PHAF1: variants seen among roughly 807,000 people sequenced by gnomAD.
PHAF1 encodes the protein phagosome assembly factor 1.
In PHAF1, 23 loss-of-function variants were observed where a neutral mutation model predicts 63.1. The observed-to-expected ratio is 0.36, with a 90% CI of 0.26 to 0.52. The LOEUF is 0.52. Ranked by LOEUF, PHAF1 falls within the 20% of genes least tolerant of loss-of-function variation. PHAF1 has a pLI of 0.93. For missense variants in PHAF1, 427 were observed against 517.2 expected, an observed-to-expected ratio of 0.83 and a Z score of 1.69; for synonymous variants, 167 against 185.0, an observed-to-expected ratio of 0.90 and a Z score of 0.79.
At chr16:67,131,409 T>C in intron 4 of PHAF1, 80 bp downstream of exon 4, 2 of 1,064,414 alleles carry the variant, frequency 1.9e-6, no homozygotes, top group Non-Finnish European at 2.7e-6. Context: ...TTAGTAAAGA[T>C]TCACATCTGT....
In PHAF1 at chr16:67,147,137, C is replaced by T. The variant is rs1262599524; in HGVS notation, c.*6C>T. 1 of 1,603,834 alleles carries T rather than the reference C, an allele frequency of 6.2e-7. No individual in the cohort carries two copies. On this transcript the variant is annotated 3_prime_UTR_variant, in exon 16 of 16. Transcript: ENST00000219139. ...GAACAGCGGAACTCCCCTAGGGACA[C>T]CACCACCCATGCCCCTCTGTCCCGT...
chr16:67,137,132 G>C (rs1382761522), intron 8 of PHAF1, among the ~76,000 whole-genome samples: 3 of 151,396 alleles, frequency 2.0e-5, no homozygotes, highest in Non-Finnish European at 4.4e-5. Flanking sequence ...TCCAGCCTGA[G>C]CGACAGAGCA....
At chr16:67,121,983 A>T (rs1014653996) in intron 2 of PHAF1, among the ~76,000 whole-genome samples, 1 of 152,116 alleles carries the variant, frequency 6.6e-6, no homozygotes, top group African/African-American at 2.4e-5. Flanking sequence ...CTGCAGCCTC[A>T]ATCCCCTAGG....
intron 4 of PHAF1, 96 bp from the exon 5 acceptor site, chr16:67,132,350 C>G: frequency 9.3e-7 from 1 of 1,075,556 alleles, no homozygotes; most frequent in African/African-American, 1.6e-5. Context: ...GACTCACCTG[C>G]CTGTGTCTTA....
chr16:67,130,007 T>C (rs925635158), intron 3 of PHAF1, among the ~76,000 whole-genome samples: 1 of 152,348 alleles, frequency 6.6e-6, no homozygotes, highest in African/African-American at 2.4e-5. Context: ...TCCATCTTTT[T>C]GTTTTGTAAA....
chr16:67,140,557 G>A lies in PHAF1; in HGVS notation c.842G>A (p.Cys281Tyr), dbSNP rs764221513. ...PSPHKQVPSK[C>Y]NDYFFNYFTL... ...CCTCATAAACAAGTTCCATCGAAGTGTAATGACTACTTTTTTAACTACTTC... is the reference window on the plus strand; with the variant it reads ...CCTCATAAACAAGTTCCATCGAAGTATAATGACTACTTTTTTAACTACTTC... Residue 281 changes from cysteine to tyrosine, a missense_variant, in exon 10 of 16, where the codon TGT (cysteine) becomes TAT (tyrosine). Transcript: ENST00000219139. The A allele has an allele frequency of 1.2e-6, 2 of 1,602,764 alleles. No individual in the cohort carries two copies. Among genetic ancestry groups the A allele is most frequent in the South Asian group, 2.2e-5 (2 of 90,862 alleles).
At chr16:67,138,820 G>T in intron 8 of PHAF1, among the ~76,000 whole-genome samples, 1 of 152,194 alleles carries the variant, frequency 6.6e-6, no homozygotes, top group Non-Finnish European at 1.5e-5. Context: ...AGGTGTTTGT[G>T]TAGAATTAGG....
At position 67,140,526 on chromosome 16, in the gene PHAF1, C is replaced by T. The variant is rs902298498; in HGVS notation, c.811C>T (p.Pro271Ser). The change falls in exon 10 of 16, where the codon CCT (proline) becomes TCT (serine). Residue 271 changes from proline (P) to serine (S), a missense_variant. Physicochemically the swap from Pro to Ser is moderately conservative, Grantham distance 74. Transcript: ENST00000219139. Reference sequence around the variant, plus strand: ...TTCCCTACAGATGAAAATTCATTCTCCTTCCCCTCATAAACAAGTTCCATC... The same window carrying T: ...TTCCCTACAGATGAAAATTCATTCTTCTTCCCCTCATAAACAAGTTCCATC... ...KSEDKMKIHS[P>S]SPHKQVPSKC... 1 of 1,590,586 alleles carries T rather than the reference C, an allele frequency of 6.3e-7. No homozygotes were observed. Among genetic ancestry groups the T allele is most frequent in the South Asian group, 1.1e-5 (1 of 90,608 alleles).
chr16:67,134,270 G>A lies in PHAF1; in HGVS notation c.548+5G>A, dbSNP rs1567649186. On this transcript the variant is annotated splice_donor_5th_base_variant and intron_variant, in intron 7 of 15. Transcript: ENST00000219139. ...CAACAGCCTGCAGGATACCAAGTAA[G>A]TATAAGGAGCATGAGTTTCTTGCTA... 3.1e-6 allele frequency: 5 copies of A among 1,611,878 alleles called. No individual in the cohort carries two copies. Among genetic ancestry groups the A allele is most frequent in the Non-Finnish European group, 3.4e-6 (4 of 1,177,922 alleles).
intron 1 of PHAF1, among the ~76,000 whole-genome samples, chr16:67,115,033 A>G (rs148823364): frequency 1.1e-4 from 16 of 152,362 alleles, no homozygotes; most frequent in Non-Finnish European, 2.2e-4. Context: ...CAGAAGAAAC[A>G]TAGCCTATTG....
intron 14 of PHAF1, 24 bp downstream of exon 14, chr16:67,145,652 G>A (rs771994362): frequency 1.4e-5 from 23 of 1,603,884 alleles, no homozygotes; most frequent in Middle Eastern, 1.7e-4. Context: ...TGATGTCCCC[G>A]GCCACCCCAC....
At position 67,140,057 on chromosome 16, in the gene PHAF1, C is replaced by T; in HGVS notation, c.735C>T (p.Cys245=). 1 of 1,614,014 alleles carries T rather than the reference C, an allele frequency of 6.2e-7. No individual in the cohort carries two copies. Among genetic ancestry groups the T allele is most frequent in the Non-Finnish European group, 8.5e-7 (1 of 1,179,992 alleles). Residue 245 remains cysteine (C), a synonymous_variant, in exon 9 of 16, where the codon TGC becomes TGT. Transcript: ENST00000219139. ...FERSVYFGDS[C]QDVLSMLGSP... is the part of the protein sequence containing the mutation. ...GTTCAGTGTATTTTGGTGATTCCTG[C>T]CAAGATGTTCTTAGCATGCTTGGCT...
At chr16:67,142,632 G>C (rs890876277) in intron 10 of PHAF1, among the ~76,000 whole-genome samples, 3 of 152,244 alleles carry the variant, frequency 2.0e-5, no homozygotes, top group Non-Finnish European at 4.4e-5. Context: ...CACCGGGAGT[G>C]GGGAGAGGCT....
intron 1 of PHAF1, among the ~76,000 whole-genome samples, chr16:67,118,123 ATTTTT>A (rs772394136): frequency 8.3e-6 from 1 of 120,950 alleles, no homozygotes; most frequent in South Asian, 2.8e-4. Context: ...CGCCCGGCTA[ATTTTT>A]TTTTTTTTTT....
At chr16:67,125,113 G>A (rs1329451830) in intron 2 of PHAF1, among the ~76,000 whole-genome samples, 1 of 152,054 alleles carries the variant, frequency 6.6e-6, no homozygotes, top group Non-Finnish European at 1.5e-5. Flanking sequence ...CCAGGTATTG[G>A]GCTAGATGCT....
Position 67,140,556 on chromosome 16 carries a change from T to G in PHAF1, c.841T>G (p.Cys281Gly). The change falls in exon 10 of 16, where the codon TGT becomes GGT. Residue 281 changes from cysteine (C) to glycine (G), a missense_variant. Coordinates refer to ENST00000219139, the MANE Select transcript of PHAF1 (RefSeq NM_025187.5). ...PSPHKQVPSK[C>G]NDYFFNYFTL... ...CCCTCATAAACAAGTTCCATCGAAG[T>G]GTAATGACTACTTTTTTAACTACTT... 6.2e-7 allele frequency: 1 copy of G among 1,602,766 alleles called. No individual in the cohort carries two copies. Among genetic ancestry groups the G allele is most frequent in the Non-Finnish European group, 8.6e-7 (1 of 1,169,588 alleles).
intron 2 of PHAF1, among the ~76,000 whole-genome samples, chr16:67,125,488 A>T (rs1011671275): frequency 6.6e-6 from 1 of 152,202 alleles, no homozygotes. Context: ...GGATGGTACA[A>T]ACAGCCTGAG....
intron 1 of PHAF1, among the ~76,000 whole-genome samples, chr16:67,113,440 T>C (rs957061628): frequency 6.6e-6 from 1 of 151,794 alleles, no homozygotes; most frequent in Non-Finnish European, 1.5e-5. Flanking sequence ...TTGTTTTCTT[T>C]TTTTCTTTTT....
At chr16:67,146,257 T>C in intron 14 of PHAF1, 21 bp from the exon 15 acceptor site, 1 of 1,607,888 alleles carries the variant, frequency 6.2e-7, no homozygotes, top group Non-Finnish European at 8.5e-7. Context: ...GCCTCTCTAA[T>C]TCTGAATTCT....
Sources: gnomAD v4.1 joint callset for allele counts (sites outside exome capture counted in the v4.1 genomes callset) on GRCh38, gnomAD v4.1.1 for gene constraint, MANE v1.5 for transcripts, NCBI Gene and HGNC (gene_info 2026-07-23, HGNC 2026-07-21) for gene names.